SH3RF3: variants seen among roughly 807,000 people sequenced by gnomAD.
The protein encoded by SH3RF3 is SH3 domain containing ring finger 3, also known as E3 ubiquitin-protein ligase SH3RF3.
In SH3RF3, 29 loss-of-function variants were observed where a neutral mutation model predicts 66.3. The observed-to-expected ratio is 0.44, with a 90% CI of 0.33 to 0.60. The LOEUF is 0.60. SH3RF3 is among the 20% of genes least tolerant of loss of function. SH3RF3 has a pLI of 0.04. For missense variants in SH3RF3, 1,194 were observed against 1,190.9 expected, an observed-to-expected ratio of 1.00 and a Z score of -0.04; for synonymous variants, 583 against 532.0, an observed-to-expected ratio of 1.10 and a Z score of -1.32.
chr2:109,184,075 G>A (rs184765636), intron 1 of SH3RF3, among the ~76,000 whole-genome samples: 15 of 152,360 alleles, frequency 9.8e-5, no homozygotes, highest in African/African-American at 2.9e-4. Flanking sequence ...CTCTGTGAAC[G>A]TGGGGTGTTG....
chr2:109,427,140 C>T (rs1434963406), intron 5 of SH3RF3, among the ~76,000 whole-genome samples: 6 of 151,924 alleles, frequency 3.9e-5, no homozygotes, highest in African/African-American at 1.2e-4. Context: ...GGCTAATTTT[C>T]GTCTTTTTAG....
intron 1 of SH3RF3, among the ~76,000 whole-genome samples, chr2:109,212,511 G>A (rs1484809875): frequency 1.3e-5 from 2 of 152,214 alleles, no homozygotes; most frequent in Admixed American, 6.5e-5. Context: ...GCTCCAGGGA[G>A]GTTGGCTTGA....
rs936574491 is a variant in SH3RF3, at chr2:109,502,664, G to T, written c.*993G>T. On this transcript the variant is annotated 3_prime_UTR_variant, in exon 10 of 10. Transcript: ENST00000309415. ...CCCCGCGCTCTGTCTAGACGGTGATGATTATTATTCAAGACCTGGAAACAT... is the reference window on the plus strand; with the variant it reads ...CCCCGCGCTCTGTCTAGACGGTGATTATTATTATTCAAGACCTGGAAACAT... 3 of 152,120 alleles carry T rather than the reference G, an allele frequency of 2.0e-5. No homozygotes were observed. The highest frequency in any genetic ancestry group is 2.9e-5 in the Non-Finnish European group (2 of 68,038). 9.4% of individuals were successfully genotyped at this position (152,120 alleles called of 1,614,324 possible).
chr2:109,273,808 T>C (rs1243546524), intron 1 of SH3RF3, among the ~76,000 whole-genome samples: 1 of 152,144 alleles, frequency 6.6e-6, no homozygotes. Flanking sequence ...GATATGCTGC[T>C]TGAGACCAGG....
chr2:109,490,905 C>A lies in SH3RF3; in HGVS notation c.2449C>A (p.Arg817Ser). ...RQAPLSMAAI[R>S]PEPKLLPRER... is the part of the protein sequence containing the mutation. Reference sequence around the variant, plus strand: ...AGCTCCGCTGTCCATGGCTGCCATCCGCCCCGAGCCCAAGCTGTTGCCCAG... The same window carrying A: ...AGCTCCGCTGTCCATGGCTGCCATCAGCCCCGAGCCCAAGCTGTTGCCCAG... The change falls in exon 9 of 10, where the codon CGC becomes AGC. Residue 817 changes from arginine (R) to serine (S), a missense_variant. Coordinates refer to ENST00000309415, the MANE Select transcript of SH3RF3 (RefSeq NM_001099289.3). The A allele has an allele frequency of 6.6e-7, 1 of 1,515,810 alleles. No homozygotes were observed. The highest frequency in any genetic ancestry group is 8.8e-7 in the Non-Finnish European group (1 of 1,132,796). 93.9% of individuals were successfully genotyped at this position (1,515,810 alleles called of 1,614,324 possible). A position where few individuals can be genotyped will look rare whatever the true frequency, so the allele number is the denominator to read the frequency against.
intron 1 of SH3RF3, among the ~76,000 whole-genome samples, chr2:109,167,760 G>A (rs1215742842): frequency 6.6e-6 from 1 of 151,976 alleles, no homozygotes; most frequent in African/African-American, 2.4e-5. Context: ...TTTAGTAGAG[G>A]TGGGATTGCG....
At chr2:109,140,298 G>A (rs1394004905) in intron 1 of SH3RF3, among the ~76,000 whole-genome samples, 1 of 152,098 alleles carries the variant, frequency 6.6e-6, no homozygotes, top group Non-Finnish European at 1.5e-5. Flanking sequence ...CTCTTTTGCC[G>A]GTTCTTTGTG....
At chr2:109,446,590 G>A (rs1422269144) in intron 7 of SH3RF3, among the ~76,000 whole-genome samples, 1 of 152,174 alleles carries the variant, frequency 6.6e-6, no homozygotes, top group Non-Finnish European at 1.5e-5. Flanking sequence ...GAGCCTTCCA[G>A]GCACCCGAGG....
At chr2:109,135,883 C>G (rs1574468110) in intron 1 of SH3RF3, among the ~76,000 whole-genome samples, 1 of 152,134 alleles carries the variant, frequency 6.6e-6, no homozygotes, top group Admixed American at 6.5e-5. Flanking sequence ...AGGGAAAAAA[C>G]GTCTAAGCCA....
chr2:109,482,379 A>G (rs1678856746), intron 8 of SH3RF3, among the ~76,000 whole-genome samples: 1 of 152,224 alleles, frequency 6.6e-6, no homozygotes, highest in Non-Finnish European at 1.5e-5. Context: ...AAGATCAGCC[A>G]ACTAATAAAT....
At chr2:109,273,795 C>T (rs1470248340) in intron 1 of SH3RF3, among the ~76,000 whole-genome samples, 1 of 152,088 alleles carries the variant, frequency 6.6e-6, no homozygotes, top group Admixed American at 6.5e-5. Context: ...TGACTGAAAT[C>T]CAGATATGCT....
chr2:109,227,578 C>T (rs1679400775), intron 1 of SH3RF3, among the ~76,000 whole-genome samples: 1 of 152,182 alleles, frequency 6.6e-6, no homozygotes, highest in African/African-American at 2.4e-5. Context: ...CTGGGAGATC[C>T]CTGGCTCTTG....
intron 1 of SH3RF3, among the ~76,000 whole-genome samples, chr2:109,243,693 G>A (rs1274773548): frequency 6.6e-6 from 1 of 152,190 alleles, no homozygotes; most frequent in African/African-American, 2.4e-5. Flanking sequence ...GGGGACAATC[G>A]CCTGGTACAG....
chr2:109,278,488 G>C (rs540897341), intron 1 of SH3RF3, among the ~76,000 whole-genome samples: 11 of 152,342 alleles, frequency 7.2e-5, no homozygotes, highest in African/African-American at 1.4e-4. Flanking sequence ...CATGGTTGAT[G>C]ATGAGGCACA....
At chr2:109,151,863 G>T (rs1325014253) in intron 1 of SH3RF3, among the ~76,000 whole-genome samples, 1 of 152,196 alleles carries the variant, frequency 6.6e-6, no homozygotes, top group East Asian at 1.9e-4. Flanking sequence ...TATGATTTCC[G>T]AATTGTCATC....
At chr2:109,364,347 T>A (rs1683115449) in intron 2 of SH3RF3, among the ~76,000 whole-genome samples, 1 of 152,244 alleles carries the variant, frequency 6.6e-6, no homozygotes, top group African/African-American at 2.4e-5. Flanking sequence ...TCTTTATCTT[T>A]GCTTACATCA....
chr2:109,144,977 C>G (rs77319036), intron 1 of SH3RF3, among the ~76,000 whole-genome samples: 1,655 of 152,342 alleles, frequency 0.011, 32 homozygotes, highest in African/African-American at 0.038. Context: ...CGGGCTCACA[C>G]CCGGCTCCTG....
Position 109,249,599 on chromosome 2 carries a change from TTTTC to T in SH3RF3, c.574-98061_574-98058del, listed in dbSNP as rs375038206. The stretch of plus-strand genomic sequence containing the variant: ...TCCTTCCTTCCTTTCCTTTCTTTCT[TTTTC>T]TTTCTTTCTTTCTCTTTCTTTCTCT... On this transcript the variant is annotated intron_variant, in intron 1 of 9. Transcript: ENST00000309415. 2.4e-4 allele frequency among the ~76,000 whole-genome samples: 35 copies of T among 144,480 alleles called. 1 individual carries two copies. Among genetic ancestry groups the T allele is most frequent in the East Asian group, 2.2e-3 (11 of 4,990 alleles). The allele number at this position is 144,480 out of a possible 152,430, so 94.8% of individuals were successfully genotyped here. A position where few individuals can be genotyped will look rare whatever the true frequency, so the allele number is the denominator to read the frequency against.
chr2:109,483,187 C>A (rs1678879443), intron 8 of SH3RF3, among the ~76,000 whole-genome samples: 1 of 152,230 alleles, frequency 6.6e-6, no homozygotes, highest in Non-Finnish European at 1.5e-5. Flanking sequence ...CTTTTAATTA[C>A]CTTTTCCCCA....
Sources: gnomAD v4.1 joint callset for allele counts (sites outside exome capture counted in the v4.1 genomes callset) on GRCh38, gnomAD v4.1.1 for gene constraint, MANE v1.5 for transcripts, NCBI Gene and HGNC (gene_info 2026-07-23, HGNC 2026-07-21) for gene names.